Variants in GNAL observed in about 807,000 individuals in gnomAD.
GNAL encodes the protein guanine nucleotide-binding protein G(olf) subunit alpha.
Under a neutral mutation model 55.1 loss-of-function variants are expected in GNAL, and 18 were observed. The ratio of observed to expected loss-of-function variants is 0.33; its 90% CI spans 0.23 to 0.48. The LOEUF (loss-of-function observed/expected upper bound fraction) is 0.48. Ranked by LOEUF, GNAL falls within the 20% of genes least tolerant of loss-of-function variation. The pLI is 0.99. For missense variants in GNAL, 412 were observed against 614.1 expected, an observed-to-expected ratio of 0.67 and a Z score of 3.48; for synonymous variants, 253 against 237.0, an observed-to-expected ratio of 1.07 and a Z score of -0.62.
intron 1 of GNAL, among the ~76,000 whole-genome samples, chr18:11,716,998 G>A (rs2031983474): frequency 6.6e-6 from 1 of 152,248 alleles, no homozygotes; most frequent in Non-Finnish European, 1.5e-5. Flanking sequence ...GGAGCAGGGG[G>A]CGGCGCTGGT....
chr18:11,781,930 G>A (rs1038232602), intron 4 of GNAL, among the ~76,000 whole-genome samples: 4 of 152,176 alleles, frequency 2.6e-5, no homozygotes, highest in African/African-American at 7.2e-5. Flanking sequence ...TAGTGGCACT[G>A]TTTATAACAA....
At chr18:11,755,793 C>T (rs1315411364) in intron 4 of GNAL, among the ~76,000 whole-genome samples, 2 of 151,946 alleles carry the variant, frequency 1.3e-5, no homozygotes, top group Admixed American at 6.6e-5. Flanking sequence ...GGGAAGGGGT[C>T]GGCAGAAGAT....
chr18:11,763,906 C>CA (rs1408831480), intron 4 of GNAL, among the ~76,000 whole-genome samples: 1 of 152,110 alleles, frequency 6.6e-6, no homozygotes, highest in African/African-American at 2.4e-5. Flanking sequence ...CACCCACACT[C>CA]AGAGTTCCTT....
intron 6 of GNAL, among the ~76,000 whole-genome samples, chr18:11,864,051 T>C (rs903887337): frequency 1.3e-5 from 2 of 151,740 alleles, no homozygotes; most frequent in East Asian, 1.9e-4. Context: ...TGTGGCTTTC[T>C]CTGGAGGATA....
intron 4 of GNAL, among the ~76,000 whole-genome samples, chr18:11,818,959 G>A (rs1421793143): frequency 6.6e-6 from 1 of 152,210 alleles, no homozygotes. Context: ...CCAGCCCACA[G>A]GGCAGGGCTC....
At chr18:11,803,570 G>C (rs144958662) in intron 4 of GNAL, among the ~76,000 whole-genome samples, 13 of 152,346 alleles carry the variant, frequency 8.5e-5, no homozygotes, top group African/African-American at 3.1e-4. Context: ...AAGAGGACAA[G>C]TGCAATTTGA....
At chr18:11,824,262 T>TA (rs1555654822) in intron 4 of GNAL, among the ~76,000 whole-genome samples, 2 of 145,092 alleles carry the variant, frequency 1.4e-5, no homozygotes, top group South Asian at 2.2e-4. Context: ...ATGGCTGAGA[T>TA]GGGGGGGGGG....
At chr18:11,733,216 T>G (rs1013229001) in intron 1 of GNAL, among the ~76,000 whole-genome samples, 1 of 152,174 alleles carries the variant, frequency 6.6e-6, no homozygotes, top group African/African-American at 2.4e-5. Context: ...CGGGGAGCCG[T>G]CGACTGGGGA....
chr18:11,734,111 G>GTCC (rs2032405666), intron 1 of GNAL, among the ~76,000 whole-genome samples: 1 of 151,706 alleles, frequency 6.6e-6, no homozygotes, highest in Admixed American at 6.6e-5. Context: ...TGGAACTGGG[G>GTCC]GTTAGGGAAG....
In GNAL at chr18:11,752,266, G is replaced by T; in HGVS notation, c.377-587G>T. 1 of 1,374,102 alleles carries T rather than the reference G, an allele frequency of 7.3e-7. No individual in the cohort carries two copies. The highest frequency in any genetic ancestry group is 9.4e-7 in the Non-Finnish European group (1 of 1,058,862). 85.1% of individuals were successfully genotyped at this position (1,374,102 alleles called of 1,614,324 possible). On this transcript the variant is annotated intron_variant, in intron 1 of 11. Transcript: ENST00000334049. The surrounding 1 kb of genome is among the most constrained non-coding windows in gnomAD (Gnocchi z 4.5). ...GTTGGGAGTTTGCGGTGGGCAGGGG[G>T]AGGGAGAAGAAACGCCTGCTCTGAA...
chr18:11,698,513 G>A (rs1378558476), intron 1 of GNAL, among the ~76,000 whole-genome samples: 1 of 143,796 alleles, frequency 7.0e-6, no homozygotes, highest in Non-Finnish European at 1.5e-5. Flanking sequence ...AAAAAATAGA[G>A]GGCTGAGAAG....
chr18:11,882,703 A>AT lies in GNAL; in HGVS notation c.*1568_*1569insT, dbSNP rs1567911422. On this transcript the variant is annotated 3_prime_UTR_variant, in exon 12 of 12. Transcript: ENST00000334049. Reference sequence around the variant, plus strand: ...TCAGGCCAAAAAAAAAAAAAAAAAAAACCTTGACGTGTCAATGTTTGTGTC... The same window carrying AT: ...TCAGGCCAAAAAAAAAAAAAAAAAAATACCTTGACGTGTCAATGTTTGTGTC... 6.6e-6 allele frequency: 1 copy of AT among 151,470 alleles called. No homozygotes were observed. The highest frequency in any genetic ancestry group is 2.1e-4 in the South Asian group (1 of 4,772). The allele number at this position is 151,470 out of a possible 1,614,324, so 9.4% of individuals were successfully genotyped here.
In GNAL at chr18:11,798,791, A is replaced by T. The variant is rs1352956363; in HGVS notation, c.625-26127A>T. On this transcript the variant is annotated intron_variant, in intron 4 of 11. Transcript: ENST00000334049. ...GTTTACAATAAAATATGGGTGCTCA[A>T]TCACAAGCTAAAAGCAGTTAAGTAG... 2.6e-5 allele frequency among the ~76,000 whole-genome samples: 4 copies of T among 152,296 alleles called. No homozygotes were observed. In the South Asian group the frequency reaches 6.2e-4, roughly 24 times the overall value.
Position 11,752,532 on chromosome 18 carries a change from G to A in GNAL, c.377-321G>A. The A allele has an allele frequency of 6.2e-7, 1 of 1,613,190 alleles. No homozygotes were observed. Among genetic ancestry groups the A allele is most frequent in the Non-Finnish European group, 8.5e-7 (1 of 1,179,632 alleles). ...ACAAAAAGATCGAGAAGCAGTTGCAGAAAGAGCGCCTGGCTTACAAGGCTA... is the reference window on the plus strand; with the variant it reads ...ACAAAAAGATCGAGAAGCAGTTGCAAAAAGAGCGCCTGGCTTACAAGGCTA... On this transcript the variant is annotated intron_variant, in intron 1 of 11. Coordinates refer to ENST00000334049, the MANE Select transcript of GNAL (RefSeq NM_182978.4). This position sits in a 1 kb window ranked among gnomAD's most constrained non-coding sequence, Gnocchi z 4.5.
At chr18:11,805,890 G>A (rs1201851695) in intron 4 of GNAL, among the ~76,000 whole-genome samples, 1 of 152,136 alleles carries the variant, frequency 6.6e-6, no homozygotes, top group African/African-American at 2.4e-5. Context: ...GGATAGAATG[G>A]TAGTTCTATT....
intron 2 of GNAL, 129 bp downstream of exon 2, chr18:11,753,054 T>C: frequency 1.7e-6 from 1 of 595,078 alleles, no homozygotes; most frequent in Non-Finnish European, 3.0e-6. Flanking sequence ...GGGAAAAAAT[T>C]AGATATTTGC....
chr18:11,823,832 C>T (rs962822750), intron 4 of GNAL, among the ~76,000 whole-genome samples: 4 of 152,096 alleles, frequency 2.6e-5, no homozygotes, highest in Admixed American at 6.5e-5. Flanking sequence ...TGAACATTTA[C>T]GTAACTTCTT....
intron 5 of GNAL, among the ~76,000 whole-genome samples, chr18:11,861,403 G>A (rs34495622): frequency 0.26 from 39,492 of 152,102 alleles, 6,068 homozygotes; most frequent in Middle Eastern, 0.37. Context: ...TCCCAGCCGC[G>A]GAAGGAGAAG....
chr18:11,839,402 AT>A (rs2035564581), intron 5 of GNAL, among the ~76,000 whole-genome samples: 1 of 151,220 alleles, frequency 6.6e-6, no homozygotes, highest in Non-Finnish European at 1.5e-5. Flanking sequence ...AAAAAAAAAA[AT>A]TAGCTGGGCC....
Sources: gnomAD v4.1 joint callset for allele counts (sites outside exome capture counted in the v4.1 genomes callset) on GRCh38, gnomAD v4.1.1 for gene constraint, Gnocchi (gnomAD v3.1) non-coding constraint, MANE v1.5 for transcripts, NCBI Gene and HGNC (gene_info 2026-07-23, HGNC 2026-07-21) for gene names.